The following TAFA1 variants were observed in gnomAD, a reference collection of about 807,000 sequenced individuals.
TAFA1 encodes the protein chemokine-like protein TAFA-1.
TAFA1 carries 4 observed loss-of-function variants against 18.5 expected under a neutral mutation model. The ratio of observed to expected loss-of-function variants is 0.22; its 90% CI spans 0.11 to 0.49. The LOEUF is 0.49. Among genes scored for constraint, TAFA1 ranks in the 20% least tolerant of loss-of-function variants. The pLI is 0.98. For missense variants in TAFA1, 147 were observed against 169.0 expected (o/e 0.87, Z 0.72); for synonymous variants, 56 against 55.2 (o/e 1.01, Z -0.06).
At chr3:68,077,922 T>C (rs1395715179) in intron 2 of TAFA1, among the ~76,000 whole-genome samples, 1 of 152,156 alleles carries the variant, frequency 6.6e-6, no homozygotes, top group East Asian at 1.9e-4. Flanking sequence ...TTTCACGATA[T>C]TGATTCTTCC....
chr3:68,524,707 G>T (rs1298917345), intron 3 of TAFA1, among the ~76,000 whole-genome samples: 1 of 151,350 alleles, frequency 6.6e-6, no homozygotes, highest in Non-Finnish European at 1.5e-5. Flanking sequence ...GTCTCCCTCT[G>T]TCGCCCAGGC....
rs139647707 is a variant in TAFA1, at chr3:68,106,608, A to G, written c.118+99864A>G. 4.2e-3 allele frequency among the ~76,000 whole-genome samples: 641 copies of G among 152,230 alleles called. 5 individuals carry two copies. The highest frequency in any genetic ancestry group is 0.014 in the African/African-American group (589 of 41,544). ...AGGTAAATTAAGCTTTATGAATACA[A>G]AAATCTATGCTTTATAAAATACACT... On this transcript the variant is annotated intron_variant, in intron 2 of 4. Coordinates refer to ENST00000478136, the MANE Select transcript of TAFA1 (RefSeq NM_213609.4).
chr3:68,211,551 C>G (rs1050178883), intron 2 of TAFA1, among the ~76,000 whole-genome samples: 4 of 152,004 alleles, frequency 2.6e-5, no homozygotes, highest in African/African-American at 9.7e-5. Context: ...AGCATATAGT[C>G]TAGAGTGGAG....
At chr3:68,324,579 G>T (rs1279696572) in intron 2 of TAFA1, among the ~76,000 whole-genome samples, 1 of 152,144 alleles carries the variant, frequency 6.6e-6, no homozygotes, top group Non-Finnish European at 1.5e-5. Context: ...TCATGGTTTT[G>T]CCCTGAATTG....
intron 2 of TAFA1, among the ~76,000 whole-genome samples, chr3:68,166,947 C>T (rs1049562453): frequency 6.6e-6 from 1 of 152,110 alleles, no homozygotes; most frequent in African/African-American, 2.4e-5. Flanking sequence ...TGTAAACTGG[C>T]CACCTCTGGC....
At chr3:68,427,418 C>T (rs985246203) in intron 3 of TAFA1, among the ~76,000 whole-genome samples, 5 of 151,754 alleles carry the variant, frequency 3.3e-5, no homozygotes, top group African/African-American at 1.2e-4. Flanking sequence ...TGAATTATTT[C>T]ACACTTCTAG....
chr3:68,046,937 A>C (rs2064396053), intron 2 of TAFA1, among the ~76,000 whole-genome samples: 1 of 152,298 alleles, frequency 6.6e-6, no homozygotes, highest in Non-Finnish European at 1.5e-5. Context: ...GATTTTTTAA[A>C]AAACCAAGTA....
intron 3 of TAFA1, among the ~76,000 whole-genome samples, chr3:68,427,051 T>TAC (rs2071069755): frequency 6.6e-6 from 1 of 151,852 alleles, no homozygotes. Context: ...GTATGTCATG[T>TAC]GTGTGAGAGA....
intron 3 of TAFA1, among the ~76,000 whole-genome samples, chr3:68,441,348 C>A (rs1303471598): frequency 6.6e-6 from 1 of 152,058 alleles, no homozygotes; most frequent in East Asian, 1.9e-4. Flanking sequence ...CTGTGTGGAG[C>A]CTCTGGCAAG....
chr3:68,230,064 C>A (rs2066853254), intron 2 of TAFA1, among the ~76,000 whole-genome samples: 1 of 152,122 alleles, frequency 6.6e-6, no homozygotes, highest in Non-Finnish European at 1.5e-5. Flanking sequence ...ATGATCCAAT[C>A]AGTATAATTG....
chr3:68,108,617 G>T lies in TAFA1; in HGVS notation c.118+101873G>T, dbSNP rs190195546. On this transcript the variant is annotated intron_variant, in intron 2 of 4. Coordinates refer to ENST00000478136, the MANE Select transcript of TAFA1 (RefSeq NM_213609.4). The stretch of plus-strand genomic sequence containing the variant: ...TGGAAATCATTGCCAAACTAGACAG[G>T]AACAAATTAATCTAGACAGCATAAA... Among the ~76,000 whole-genome samples, 179 of 152,044 alleles carry T rather than the reference G, an allele frequency of 1.2e-3. 3 individuals are homozygous for T. The South Asian group carries it at 0.035, about 30-fold the overall frequency.
At chr3:68,348,179 A>G (rs1575795659) in intron 2 of TAFA1, among the ~76,000 whole-genome samples, 1 of 152,132 alleles carries the variant, frequency 6.6e-6, no homozygotes, top group Non-Finnish European at 1.5e-5. Flanking sequence ...CAAGTTACTT[A>G]ACTGCTCTAT....
intron 3 of TAFA1, among the ~76,000 whole-genome samples, chr3:68,529,122 A>T (rs1444774141): frequency 6.6e-6 from 1 of 151,832 alleles, no homozygotes. Context: ...CCTACTGTTA[A>T]GGAGTTCACT....
At chr3:68,380,028 G>A (rs1429358071) in intron 2 of TAFA1, among the ~76,000 whole-genome samples, 6 of 151,194 alleles carry the variant, frequency 4.0e-5, no homozygotes, top group South Asian at 4.2e-4. Context: ...TTGGTTTTTC[G>A]TCCTTGGCAA....
At chr3:68,456,180 C>T (rs970376069) in intron 3 of TAFA1, among the ~76,000 whole-genome samples, 37 of 152,208 alleles carry the variant, frequency 2.4e-4, no homozygotes, top group African/African-American at 8.7e-4. Flanking sequence ...TCTTGCACAA[C>T]AAAAAGCCTG....
At chr3:68,188,895 C>T (rs2066304690) in intron 2 of TAFA1, among the ~76,000 whole-genome samples, 1 of 151,666 alleles carries the variant, frequency 6.6e-6, no homozygotes, top group South Asian at 2.1e-4. Flanking sequence ...CTTTCTGTTT[C>T]CTTCATGGAT....
At chr3:68,264,521 A>G (rs990561746) in intron 2 of TAFA1, among the ~76,000 whole-genome samples, 13 of 152,312 alleles carry the variant, frequency 8.5e-5, no homozygotes, top group South Asian at 6.2e-4. Context: ...TAAAATTTCA[A>G]TGACAGAGGA....
intron 4 of TAFA1, among the ~76,000 whole-genome samples, 190 bp from the exon 5 acceptor site, chr3:68,544,296 G>T (rs1490256661): frequency 6.6e-6 from 1 of 151,918 alleles, no homozygotes; most frequent in Non-Finnish European, 1.5e-5. Flanking sequence ...AAATATGGTG[G>T]CCTATCAATA....
chr3:68,032,981 T>C (rs1704969933), intron 2 of TAFA1, among the ~76,000 whole-genome samples: 1 of 152,190 alleles, frequency 6.6e-6, no homozygotes, highest in Admixed American at 6.6e-5. Flanking sequence ...ATGTATGATA[T>C]CCTTTCATTT....
Sources: allele counts gnomAD v4.1 joint callset (sites outside exome capture counted in the v4.1 genomes callset), GRCh38; gene constraint gnomAD v4.1.1; transcripts MANE v1.5; gene names NCBI Gene and HGNC (gene_info 2026-07-23, HGNC 2026-07-21).